BCO2: variants seen among roughly 807,000 people sequenced by gnomAD.
BCO2 encodes beta-carotene oxygenase 2.
A neutral mutation model predicts 65.8 loss-of-function variants in BCO2; 56 were observed. That is an observed-to-expected ratio of 0.85 (90% CI 0.69 to 1.06). BCO2 has a LOEUF of 1.06. BCO2 is among the 50% of genes least tolerant of loss of function. The pLI is 0.00. For missense variants in BCO2, 675 were observed against 698.5 expected, an observed-to-expected ratio of 0.97 and a Z score of 0.38; for synonymous variants, 233 against 242.3, an observed-to-expected ratio of 0.96 and a Z score of 0.36.
chr11:112,207,959 A>ATTT (rs55956520), intron 8 of BCO2, among the ~76,000 whole-genome samples: 2 of 146,516 alleles, frequency 1.4e-5, no homozygotes, highest in Non-Finnish European at 3.0e-5. Context: ...CTATATAGCA[A>ATTT]TTTTTTTTTT....
Position 112,179,390 on chromosome 11 carries a change from C to G in BCO2, c.201C>G (p.Gly67=). 6.2e-7 allele frequency: 1 copy of G among 1,614,154 alleles called. No individual in the cohort carries two copies. The highest frequency in any genetic ancestry group is 1.1e-5 in the South Asian group (1 of 91,082). The change falls in exon 2 of 12, where the codon GGC becomes GGG. Residue 67 remains glycine, a synonymous_variant. Transcript: ENST00000357685. ...LLTTVEEAPR[G]ISARVWGHFP... The stretch of plus-strand genomic sequence containing the variant: ...CCACAGTGGAAGAGGCTCCACGGGG[C>G]ATCTCTGCTCGAGTCTGGGGACATT...
chr11:112,181,861 G>A (rs1867060506), intron 2 of BCO2: 4 of 955,646 alleles, frequency 4.2e-6, no homozygotes, highest in South Asian at 3.9e-5. Flanking sequence ...AATCTTGAAC[G>A]AGCTCATCTC....
At chr11:112,215,459 T>C (rs756464914) in intron 10 of BCO2, 5 of 159,424 alleles carry the variant, frequency 3.1e-5, no homozygotes, top group Admixed American at 1.8e-4. Context: ...GCCTGTCATC[T>C]CAGCACTTTG....
At chr11:112,206,042 A>T (rs1426928609) in intron 8 of BCO2, among the ~76,000 whole-genome samples, 2 of 152,260 alleles carry the variant, frequency 1.3e-5, no homozygotes, top group Non-Finnish European at 2.9e-5. Flanking sequence ...GACAGAAAAG[A>T]TCACACACAA....
At chr11:112,200,850 A>C in intron 7 of BCO2, 77 bp downstream of exon 7, 1 of 1,494,810 alleles carries the variant, frequency 6.7e-7, no homozygotes, top group Non-Finnish European at 9.2e-7. Flanking sequence ...ATTTTTTAAA[A>C]ATCTTCCCTG....
At chr11:112,182,437 T>A (rs1253261358) in intron 2 of BCO2, among the ~76,000 whole-genome samples, 1 of 152,116 alleles carries the variant, frequency 6.6e-6, no homozygotes. Flanking sequence ...AATAGCAAAG[T>A]CTTGGAACCA....
intron 4 of BCO2, chr11:112,194,254 C>T (rs1259844754): frequency 6.7e-6 from 3 of 444,750 alleles, no homozygotes; most frequent in Non-Finnish European, 1.2e-5. Context: ...TACTGATCTA[C>T]TTTGGCTAGT....
chr11:112,207,348 T>C (rs952505343), intron 8 of BCO2, among the ~76,000 whole-genome samples: 1 of 152,196 alleles, frequency 6.6e-6, no homozygotes, highest in African/African-American at 2.4e-5. Context: ...GAATAAACAT[T>C]CTTAACTTAA....
chr11:112,189,682 G>T (rs1024894999), intron 2 of BCO2, among the ~76,000 whole-genome samples: 11 of 152,222 alleles, frequency 7.2e-5, no homozygotes, highest in Admixed American at 4.6e-4. Context: ...GATTACAGGC[G>T]TAAGCCACAG....
chr11:112,176,521 G>T (rs1866887229), intron 1 of BCO2: 1 of 135,756 alleles, frequency 7.4e-6, no homozygotes, highest in African/African-American at 2.7e-5. Context: ...GATTGGCGGG[G>T]GGGGGGGAAT....
At chr11:112,197,204 A>G (rs983709313) in intron 5 of BCO2, among the ~76,000 whole-genome samples, 5 of 152,008 alleles carry the variant, frequency 3.3e-5, no homozygotes, top group African/African-American at 9.7e-5. Flanking sequence ...TGCTAAGGAC[A>G]ATAACTGTGG....
At chr11:112,182,379 C>A (rs1867075958) in intron 2 of BCO2, among the ~76,000 whole-genome samples, 2 of 152,194 alleles carry the variant, frequency 1.3e-5, no homozygotes, top group African/African-American at 4.8e-5. Flanking sequence ...ATAAATCATG[C>A]TGCTATAAAG....
chr11:112,203,952 C>T (rs1004289485), intron 8 of BCO2, among the ~76,000 whole-genome samples: 11 of 152,112 alleles, frequency 7.2e-5, no homozygotes, highest in Admixed American at 1.3e-4. Flanking sequence ...CTCCCGGGTT[C>T]AAGTGATTCT....
chr11:112,217,506 T>A lies in BCO2; in HGVS notation c.1627-255T>A, dbSNP rs1592872797. Among the ~76,000 whole-genome samples the A allele has an allele frequency of 2.6e-5, 4 of 152,136 alleles. No homozygotes were observed. In the East Asian group the frequency reaches 7.7e-4, roughly 29 times the overall value. On this transcript the variant is annotated intron_variant, in intron 11 of 11. Coordinates refer to ENST00000357685, the MANE Select transcript of BCO2 (RefSeq NM_031938.7). ...GCCTCTGAGTAGCTGGTACTACAGG[T>A]GTGCACCACCACGCCTGGTTAATTT...
chr11:112,192,822 A>G (rs1372468915), intron 2 of BCO2, among the ~76,000 whole-genome samples: 1 of 148,146 alleles, frequency 6.8e-6, no homozygotes. Flanking sequence ...TGATTTGTTA[A>G]ACATCAGCCA....
intron 2 of BCO2, 68 bp downstream of exon 2, chr11:112,179,550 A>T (rs1007865712): frequency 7.5e-7 from 1 of 1,330,246 alleles, no homozygotes; most frequent in Non-Finnish European, 1.1e-6. Context: ...ATATGCATTA[A>T]TATCTGCTTC....
At chr11:112,205,388 T>G (rs1420366525) in intron 8 of BCO2, among the ~76,000 whole-genome samples, 2 of 152,236 alleles carry the variant, frequency 1.3e-5, no homozygotes, top group African/African-American at 4.8e-5. Context: ...TAATTTGTAT[T>G]TCCCTTATGG....
intron 1 of BCO2, among the ~76,000 whole-genome samples, chr11:112,177,403 T>A (rs1166042751): frequency 1.3e-5 from 2 of 152,290 alleles, no homozygotes; most frequent in Admixed American, 1.3e-4. Flanking sequence ...GGTATTTCTG[T>A]TGCAAGTAGT....
chr11:112,201,888 C>A, intron 7 of BCO2, 135 bp from the exon 8 acceptor site: 1 of 662,510 alleles, frequency 1.5e-6, no homozygotes, highest in Non-Finnish European at 2.5e-6. Flanking sequence ...TTTATATATA[C>A]TGGACCTGCC....
Sources: allele counts gnomAD v4.1 joint callset (sites outside exome capture counted in the v4.1 genomes callset), GRCh38; gene constraint gnomAD v4.1.1; transcripts MANE v1.5; gene names NCBI Gene and HGNC (gene_info 2026-07-23, HGNC 2026-07-21).